CHRNA4: variants seen among roughly 807,000 people sequenced by gnomAD.
CHRNA4 encodes neuronal acetylcholine receptor subunit alpha-4.
In CHRNA4, 28 loss-of-function variants were observed where a neutral mutation model predicts 48.9. That is an observed-to-expected ratio of 0.57 (90% confidence interval 0.42 to 0.79). CHRNA4 has a LOEUF of 0.79. CHRNA4 is among the 30% of genes least tolerant of loss of function. The probability of loss-of-function intolerance (pLI) is 0.00; values close to 1 mark genes in which losing one functional copy is unlikely to be tolerated. For synonymous variants in CHRNA4, 425 were observed against 402.3 expected (o/e 1.06, Z -0.68); for missense variants, 859 against 898.4 (o/e 0.96, Z 0.56).
chr20:63,346,297 G>A lies in CHRNA4; in HGVS notation c.*441C>T, dbSNP rs2068493777. 4.4e-6 allele frequency: 2 copies of A among 454,038 alleles called. No individual in the cohort carries two copies. Among genetic ancestry groups the A allele is most frequent in the Non-Finnish European group, 8.8e-6 (2 of 226,668 alleles). 28.1% of individuals were successfully genotyped at this position (454,038 alleles called of 1,614,324 possible). ...GGCGCAGGACACGGTGGGTGGGAGAGGCGGCCGGGCCTCCAGAAGACGGGG... is the reference window on the plus strand; with the variant it reads ...GGCGCAGGACACGGTGGGTGGGAGAAGCGGCCGGGCCTCCAGAAGACGGGG... On this transcript the variant is annotated 3_prime_UTR_variant, in exon 6 of 6. Coordinates refer to ENST00000370263, the MANE Select transcript of CHRNA4 (RefSeq NM_000744.7).
intron 2 of CHRNA4, among the ~76,000 whole-genome samples, chr20:63,357,851 G>C (rs1322518148): frequency 1.3e-5 from 2 of 152,214 alleles, no homozygotes; most frequent in Non-Finnish European, 2.9e-5. Context: ...AGGGTGGAGA[G>C]AGGGGTGGGC....
chr20:63,361,182 G>C lies in CHRNA4; in HGVS notation c.-17C>G. Reference sequence around the variant, plus strand: ...TAGCTCCATGGCGCACGCACCTCGCGGGCTCTAGATGCGGGCGGCTCCCGG... The same window carrying C: ...TAGCTCCATGGCGCACGCACCTCGCCGGCTCTAGATGCGGGCGGCTCCCGG... On this transcript the variant is annotated 5_prime_UTR_variant, in exon 1 of 6. Coordinates refer to ENST00000370263, the MANE Select transcript of CHRNA4 (RefSeq NM_000744.7). 6.8e-7 allele frequency: 1 copy of C among 1,463,472 alleles called. No individual in the cohort carries two copies. The highest frequency in any genetic ancestry group is 2.9e-5 in the East Asian group (1 of 33,962). 90.7% of individuals were successfully genotyped at this position (1,463,472 alleles called of 1,614,324 possible).
At chr20:63,348,285 C>T (rs1369795357) in intron 5 of CHRNA4, among the ~76,000 whole-genome samples, 3 of 152,366 alleles carry the variant, frequency 2.0e-5, no homozygotes, top group East Asian at 1.9e-4. Flanking sequence ...TCTGACCCCA[C>T]GGTGGCACAG....
Position 63,361,244 on chromosome 20 carries a change from C to A in CHRNA4, c.-79G>T. The A allele has an allele frequency of 7.7e-6, 11 of 1,430,422 alleles. No homozygotes were observed. Among genetic ancestry groups the A allele is most frequent in the Non-Finnish European group, 9.1e-6 (10 of 1,095,354 alleles). 88.6% of individuals were successfully genotyped at this position (1,430,422 alleles called of 1,614,324 possible). A position where few individuals can be genotyped will look rare whatever the true frequency, so the allele number is the denominator to read the frequency against. On this transcript the variant is annotated 5_prime_UTR_variant, in exon 1 of 6. It removes an upstream start codon present in the reference 5' UTR. Transcript: ENST00000370263. ...TTCGAGGCCCGTGCGCGCCCAACTT[C>A]ATGCCTCCCGCGCCTCGCGGGCCGC...
At chr20:63,349,429 A>C (rs989664176) in intron 5 of CHRNA4, 1 of 611,754 alleles carries the variant, frequency 1.6e-6, no homozygotes, top group Non-Finnish European at 2.9e-6. Flanking sequence ...ACCGGGATCC[A>C]CCCTGTGCCA....
rs2068607709 is a variant in CHRNA4, at chr20:63,351,234, A to ACG, written c.384-208_384-207insCG. 1.1e-4 allele frequency: 38 copies of ACG among 355,880 alleles called. 2 individuals are homozygous for ACG. Among genetic ancestry groups the ACG allele is most frequent in the Admixed American group, 1.9e-4 (3 of 15,506 alleles). The allele number at this position is 355,880 out of a possible 1,614,324, so 22.0% of individuals were successfully genotyped here. A position where few individuals can be genotyped will look rare whatever the true frequency, so the allele number is the denominator to read the frequency against. ...CGTCCACGTCCACGCCCACATCCAC[A>ACG]CCCACGTCCACGTCCACGTCCACGT... On this transcript the variant is annotated intron_variant, in intron 4 of 5. Coordinates refer to ENST00000370263, the MANE Select transcript of CHRNA4 (RefSeq NM_000744.7).
At chr20:63,359,144 T>G (rs1175585617) in intron 2 of CHRNA4, among the ~76,000 whole-genome samples, 1 of 152,136 alleles carries the variant, frequency 6.6e-6, no homozygotes, top group Admixed American at 6.5e-5. Flanking sequence ...AAGGTTGGGG[T>G]GCTGCCGGGA....
rs45521136 is a variant in CHRNA4 at position 63,359,535 on chromosome 20, C to G, written c.228+13G>C. The G allele has an allele frequency of 6.2e-7, 1 of 1,612,582 alleles. No individual in the cohort carries two copies. Among genetic ancestry groups the G allele is most frequent in the East Asian group, 2.2e-5 (1 of 44,878 alleles). Reference sequence around the variant, plus strand: ...CCTCAGTCACAGTGCACGATGGCCACGCCCTCACCTACCACGTCAATGAGC... The same window carrying G: ...CCTCAGTCACAGTGCACGATGGCCAGGCCCTCACCTACCACGTCAATGAGC... On this transcript the variant is annotated intron_variant, in intron 2 of 5. Coordinates refer to ENST00000370263, the MANE Select transcript of CHRNA4 (RefSeq NM_000744.7).
At chr20:63,360,673 G>A (rs2068804132) in intron 1 of CHRNA4, among the ~76,000 whole-genome samples, 1 of 152,202 alleles carries the variant, frequency 6.6e-6, no homozygotes, top group Non-Finnish European at 1.5e-5. Context: ...GAAAAGGTGG[G>A]TGGCGGCCGC....
At chr20:63,356,560 C>A (rs926983020) in intron 2 of CHRNA4, 145 bp from the exon 3 acceptor site, 1 of 847,036 alleles carries the variant, frequency 1.2e-6, no homozygotes, top group Admixed American at 2.1e-5. Context: ...GTGAGTGCCC[C>A]GTCCCTGGAG....
rs2234932 is a variant in CHRNA4, at chr20:63,350,583, C to T, written c.828G>A (p.Thr276=). ...YLPSECGEKI[T]LCISVLLSLT... is the part of the protein sequence containing the mutation. The stretch of plus-strand genomic sequence containing the variant: ...GCGACAGCAGCACGGAGATGCACAG[C>T]GTGATCTTCTCGCCACACTCGGAGG... Residue 276 remains threonine (T), a synonymous_variant, in exon 5 of 6, where the codon ACG becomes ACA. Transcript: ENST00000370263. 3.4e-4 allele frequency: 549 copies of T among 1,613,880 alleles called. 6 individuals are homozygous for T. In the East Asian group the frequency reaches 0.012, roughly 35 times the overall value.
At chr20:63,347,285 C>T (rs924503282) in intron 5 of CHRNA4, among the ~76,000 whole-genome samples, 1 of 152,204 alleles carries the variant, frequency 6.6e-6, no homozygotes, top group Non-Finnish European at 1.5e-5. Flanking sequence ...TCCCCCTCCC[C>T]GTTTTGCAGA....
chr20:63,356,293 G>GCAGGGCCAGGA, intron 3 of CHRNA4, 78 bp downstream of exon 3: 1 of 1,229,736 alleles, frequency 8.1e-7, no homozygotes, highest in Non-Finnish European at 1.1e-6. Flanking sequence ...CCAGGGTGGG[G>GCAGGGCCAGGA]CAGGGCCAGG....
In CHRNA4 at chr20:63,349,875, A is replaced by G. The variant is rs764044345; in HGVS notation, c.1536T>C (p.Ser512=). ...GGAGCTCAGCCGAGTGGGTGTTGCG[A>G]GAGGCCAGGGCGCCGGCAGCCTGGC... ...ADGQAAGALA[S]RNTHSAELPP... Residue 512 remains serine, a synonymous_variant, in exon 5 of 6, where the codon TCT becomes TCC. Transcript: ENST00000370263. The G allele has an allele frequency of 6.3e-7, 1 of 1,594,178 alleles. No individual in the cohort carries two copies. The highest frequency in any genetic ancestry group is 8.6e-7 in the Non-Finnish European group (1 of 1,168,692).
intron 2 of CHRNA4, among the ~76,000 whole-genome samples, chr20:63,357,247 G>A (rs1045618596): frequency 9.3e-5 from 13 of 139,642 alleles, no homozygotes; most frequent in Admixed American, 1.5e-4. Flanking sequence ...CACAGACCAC[G>A]TCCCCACAGA....
chr20:63,355,726 G>T, intron 4 of CHRNA4: 1 of 814,258 alleles, frequency 1.2e-6, no homozygotes, highest in Non-Finnish European at 1.9e-6. Context: ...ACGCTCCAGT[G>T]CTGAGACCCA....
Position 63,344,280 on chromosome 20 carries a change from A to C in CHRNA4, c.*2458T>G, listed in dbSNP as rs2068449237. 4.4e-6 allele frequency: 2 copies of C among 453,308 alleles called. No individual in the cohort carries two copies. Among genetic ancestry groups the C allele is most frequent in the Non-Finnish European group, 8.8e-6 (2 of 226,570 alleles). The allele number at this position is 453,308 out of a possible 1,614,324, so 28.1% of individuals were successfully genotyped here. On this transcript the variant is annotated 3_prime_UTR_variant, in exon 6 of 6. Transcript: ENST00000370263. The surrounding 1 kb of genome is among the most constrained non-coding windows in gnomAD (Gnocchi z 4.5). Reference sequence around the variant, plus strand: ...CGGAGAGGTCAATCCACGGTGCTTAAGTCAGAGCCACAGATGGGGAGGGAC... The same window carrying C: ...CGGAGAGGTCAATCCACGGTGCTTACGTCAGAGCCACAGATGGGGAGGGAC...
At chr20:63,348,309 G>A (rs769961232) in intron 5 of CHRNA4, among the ~76,000 whole-genome samples, 3 of 152,264 alleles carry the variant, frequency 2.0e-5, no homozygotes, top group Admixed American at 2.0e-4. Flanking sequence ...GGGCACAGCT[G>A]CCTCTCGCTT....
At chr20:63,357,695 C>T (rs1440361830) in intron 2 of CHRNA4, among the ~76,000 whole-genome samples, 1 of 152,220 alleles carries the variant, frequency 6.6e-6, no homozygotes, top group East Asian at 1.9e-4. Context: ...AAGGCAGCCC[C>T]TTCCACATAC....
Sources: allele counts gnomAD v4.1 joint callset (sites outside exome capture counted in the v4.1 genomes callset), GRCh38; gene constraint gnomAD v4.1.1; non-coding constraint Gnocchi (gnomAD v3.1); transcripts MANE v1.5; gene names NCBI Gene and HGNC (gene_info 2026-07-23, HGNC 2026-07-21).